CCDC192: variants seen among roughly 807,000 people sequenced by gnomAD.
CCDC192 encodes coiled-coil domain containing 192.
At chr5:127,849,615 C>T (rs1750712365) in intron 5 of CCDC192, among the ~76,000 whole-genome samples, 1 of 152,140 alleles carries the variant, frequency 6.6e-6, no homozygotes, top group Non-Finnish European at 1.5e-5. Flanking sequence ...GCTCCTAAAG[C>T]CTGTAAAAGG....
At chr5:127,913,739 C>T (rs910685020) in intron 6 of CCDC192, among the ~76,000 whole-genome samples, 5 of 152,242 alleles carry the variant, frequency 3.3e-5, no homozygotes, top group Non-Finnish European at 5.9e-5. Context: ...CTGTTGTCAA[C>T]TTCCTCAGAT....
intron 6 of CCDC192, among the ~76,000 whole-genome samples, chr5:127,937,596 A>G (rs370537264): frequency 7.5e-4 from 114 of 152,284 alleles, no homozygotes; most frequent in African/African-American, 2.7e-3. Flanking sequence ...ACTATAAAAA[A>G]GTTTCTTGTT....
intron 5 of CCDC192, among the ~76,000 whole-genome samples, chr5:127,863,185 T>A (rs1222618197): frequency 1.3e-5 from 2 of 152,222 alleles, no homozygotes; most frequent in East Asian, 3.8e-4. Flanking sequence ...GCAAGTATTG[T>A]AATTATTGTG....
chr5:127,811,943 T>C (rs1456918406), intron 5 of CCDC192, among the ~76,000 whole-genome samples: 12 of 152,192 alleles, frequency 7.9e-5, no homozygotes, highest in Admixed American at 7.9e-4. Context: ...AATTCTTGAG[T>C]ATAAACTGCA....
intron 3 of CCDC192, among the ~76,000 whole-genome samples, chr5:127,765,885 ATAT>A (rs769582460): frequency 2.0e-5 from 3 of 152,152 alleles, no homozygotes; most frequent in Non-Finnish European, 4.4e-5. Flanking sequence ...GGAGTTGTCC[ATAT>A]TATGGAGACT....
chr5:127,813,153 G>A (rs790477), intron 5 of CCDC192, among the ~76,000 whole-genome samples: 119,133 of 152,102 alleles, frequency 0.78, 46,729 homozygotes, highest in East Asian at 0.93. Flanking sequence ...TTTCCATGAG[G>A]CCCTTTTGAC....
At chr5:127,756,199 T>C (rs770089144) in intron 3 of CCDC192, among the ~76,000 whole-genome samples, 2 of 152,082 alleles carry the variant, frequency 1.3e-5, no homozygotes, top group Non-Finnish European at 2.9e-5. Flanking sequence ...AATGCAAATG[T>C]AACCACCCAA....
At chr5:127,923,671 C>A (rs1753792799) in intron 6 of CCDC192, among the ~76,000 whole-genome samples, 1 of 152,214 alleles carries the variant, frequency 6.6e-6, no homozygotes, top group South Asian at 2.1e-4. Context: ...GCCTCCGCGC[C>A]CGGCCTTTTC....
chr5:127,859,745 A>G (rs371928713), intron 5 of CCDC192, among the ~76,000 whole-genome samples: 60 of 152,130 alleles, frequency 3.9e-4, no homozygotes, highest in African/African-American at 1.4e-3. Flanking sequence ...ATGTCCTTCC[A>G]TATTTTTCAT....
intron 6 of CCDC192, among the ~76,000 whole-genome samples, chr5:127,917,916 G>C (rs1753573807): frequency 6.6e-6 from 1 of 152,084 alleles, no homozygotes; most frequent in African/African-American, 2.4e-5. Flanking sequence ...TAGGCGGGTG[G>C]GTCACTTGAG....
At chr5:127,886,416 C>A (rs151855) in intron 6 of CCDC192, among the ~76,000 whole-genome samples, 99,941 of 151,916 alleles carry the variant, frequency 0.66, 32,869 homozygotes, top group Non-Finnish European at 0.68. Flanking sequence ...CATAGGTTTG[C>A]ATTGTGCTGG....
chr5:127,745,416 A>G (rs1753684574), intron 2 of CCDC192, among the ~76,000 whole-genome samples: 1 of 152,230 alleles, frequency 6.6e-6, no homozygotes, highest in Non-Finnish European at 1.5e-5. Context: ...TTACAATGTC[A>G]TATAAGATTT....
upstream of CCDC192, among the ~76,000 whole-genome samples, chr5:127,702,352 T>A (rs1750742418): frequency 6.6e-6 from 1 of 152,232 alleles, no homozygotes; most frequent in South Asian, 2.1e-4. Flanking sequence ...CAAGGCCGAT[T>A]GCCCAATCCT....
intron 5 of CCDC192, among the ~76,000 whole-genome samples, chr5:127,807,441 A>T (rs1561499834): frequency 6.6e-6 from 1 of 151,946 alleles, no homozygotes; most frequent in Non-Finnish European, 1.5e-5. Context: ...TCTGCTTGTC[A>T]TTTAATTGTC....
chr5:127,773,516 A>G (rs1283098621), intron 3 of CCDC192, among the ~76,000 whole-genome samples: 1 of 152,182 alleles, frequency 6.6e-6, no homozygotes, highest in Non-Finnish European at 1.5e-5. Flanking sequence ...ATTTCAGATG[A>G]AAGGATTTAT....
chr5:127,861,483 C>T (rs1410942532), intron 5 of CCDC192, among the ~76,000 whole-genome samples: 1 of 151,490 alleles, frequency 6.6e-6, no homozygotes, highest in Non-Finnish European at 1.5e-5. Context: ...AGCAAAGCCC[C>T]GTCTTTACTG....
intron 3 of CCDC192, among the ~76,000 whole-genome samples, chr5:127,777,925 C>G (rs1755964988): frequency 6.6e-6 from 1 of 151,530 alleles, no homozygotes; most frequent in Non-Finnish European, 1.5e-5. Flanking sequence ...ATTATCCAGT[C>G]TCAGGTATGT....
At chr5:127,795,909 G>T (rs1757140605) in intron 3 of CCDC192, among the ~76,000 whole-genome samples, 1 of 152,174 alleles carries the variant, frequency 6.6e-6, no homozygotes, top group African/African-American at 2.4e-5. Context: ...TTAAACACAT[G>T]TTGGTGATCA....
intron 2 of CCDC192, among the ~76,000 whole-genome samples, chr5:127,751,249 G>A (rs1477246604): frequency 1.3e-5 from 2 of 152,050 alleles, no homozygotes; most frequent in Non-Finnish European, 2.9e-5. Flanking sequence ...GCAGCAGCTG[G>A]TACCAGTTGT....
Sources: allele counts gnomAD v4.1 joint callset (sites outside exome capture counted in the v4.1 genomes callset), GRCh38; gene constraint gnomAD v4.1.1; transcripts MANE v1.5; gene names NCBI Gene and HGNC (gene_info 2026-07-23, HGNC 2026-07-21).